The following PSMD14 variants were observed in gnomAD, a reference collection of about 807,000 sequenced individuals.
PSMD14 encodes ubiquitin C-terminal hydrolase PSMD14.
In PSMD14, 7 loss-of-function variants were observed where a neutral mutation model predicts 41.2. The ratio of observed to expected loss-of-function variants is 0.17; its 90% CI spans 0.10 to 0.32. PSMD14 has a LOEUF of 0.32. PSMD14 is among the 10% of genes least tolerant of loss of function. The pLI is 1.00. For missense variants in PSMD14, 139 were observed against 375.6 expected (o/e 0.37, Z 5.21); for synonymous variants, 114 against 122.3 (o/e 0.93, Z 0.45).
At chr2:161,371,453 C>A in intron 7 of PSMD14, 131 bp downstream of exon 7, 16 of 854,680 alleles carry the variant, frequency 1.9e-5, no homozygotes, top group Admixed American at 9.3e-5. Flanking sequence ...ACTTAAAAAA[C>A]AAAAAAACTG....
chr2:161,362,626 A>G (rs1683305650), intron 3 of PSMD14, among the ~76,000 whole-genome samples: 1 of 152,206 alleles, frequency 6.6e-6, no homozygotes, highest in South Asian at 2.1e-4. Flanking sequence ...AATTGAGTAT[A>G]AAATTCTTTA....
At chr2:161,375,434 C>A (rs1405688700) in intron 7 of PSMD14, among the ~76,000 whole-genome samples, 1 of 151,894 alleles carries the variant, frequency 6.6e-6, no homozygotes, top group African/African-American at 2.4e-5. Flanking sequence ...GTATAACAAA[C>A]ACAGTAAATG....
chr2:161,369,217 TATAAA>T (rs1683399925), intron 5 of PSMD14, among the ~76,000 whole-genome samples: 1 of 152,046 alleles, frequency 6.6e-6, no homozygotes, highest in Non-Finnish European at 1.5e-5. Context: ...TGTTTGACAA[TATAAA>T]ATAAAAGATT....
At chr2:161,358,588 A>G (rs1401119092) in intron 3 of PSMD14, among the ~76,000 whole-genome samples, 1 of 151,842 alleles carries the variant, frequency 6.6e-6, no homozygotes, top group Non-Finnish European at 1.5e-5. Context: ...GACCACTCCT[A>G]CTCTACATTT....
intron 3 of PSMD14, among the ~76,000 whole-genome samples, chr2:161,347,368 C>T (rs923003530): frequency 6.6e-5 from 10 of 151,978 alleles, no homozygotes; most frequent in African/African-American, 1.5e-4. Context: ...AGGCTGGTCT[C>T]GAACTACTCA....
chr2:161,348,984 A>C (rs1210431172), intron 3 of PSMD14, among the ~76,000 whole-genome samples: 1 of 152,176 alleles, frequency 6.6e-6, no homozygotes, highest in East Asian at 1.9e-4. Context: ...TGCTGCTCAC[A>C]TACCTGGTTC....
chr2:161,353,636 A>T, intron 3 of PSMD14, among the ~76,000 whole-genome samples: 1 of 152,102 alleles, frequency 6.6e-6, no homozygotes, highest in East Asian at 1.9e-4. Flanking sequence ...TACCCAATAG[A>T]TTGCTGTCAC....
chr2:161,357,415 A>C (rs1184120303), intron 3 of PSMD14, among the ~76,000 whole-genome samples: 1 of 152,098 alleles, frequency 6.6e-6, no homozygotes, highest in East Asian at 1.9e-4. Context: ...TAGATCACTG[A>C]CTTATAATTT....
chr2:161,332,931 T>G (rs1682816349), intron 3 of PSMD14, among the ~76,000 whole-genome samples: 2 of 152,178 alleles, frequency 1.3e-5, no homozygotes, highest in Admixed American at 1.3e-4. Flanking sequence ...GCAAGTTTCT[T>G]TGCACTTTCC....
At chr2:161,319,993 T>G (rs1689185776) in intron 3 of PSMD14, among the ~76,000 whole-genome samples, 2 of 152,224 alleles carry the variant, frequency 1.3e-5, no homozygotes, top group African/African-American at 4.8e-5. Context: ...TTCATTTTTA[T>G]AACACCTGTA....
chr2:161,383,884 T>C (rs1400412995), intron 7 of PSMD14: 1 of 151,668 alleles, frequency 6.6e-6, no homozygotes, highest in Non-Finnish European at 1.5e-5. Context: ...GTGAGGAAAT[T>C]TTACTTCTAT....
intron 10 of PSMD14, among the ~76,000 whole-genome samples, chr2:161,402,068 C>T (rs1683886347): frequency 1.3e-5 from 2 of 152,198 alleles, no homozygotes; most frequent in African/African-American, 4.8e-5. Flanking sequence ...TGACTCCTCT[C>T]TCTTTCTCAC....
At chr2:161,313,136 G>A (rs1689108656) in intron 1 of PSMD14, among the ~76,000 whole-genome samples, 1 of 152,048 alleles carries the variant, frequency 6.6e-6, no homozygotes, top group Non-Finnish European at 1.5e-5. Context: ...CAAGGACAGG[G>A]AACTTGTAAG....
At chr2:161,369,229 G>T (rs937697575) in intron 5 of PSMD14, among the ~76,000 whole-genome samples, 1 of 151,866 alleles carries the variant, frequency 6.6e-6, no homozygotes, top group East Asian at 1.9e-4. Context: ...TAAAATAAAA[G>T]ATTTTGATCC....
intron 10 of PSMD14, among the ~76,000 whole-genome samples, chr2:161,398,190 G>T (rs1410975986): frequency 6.6e-6 from 1 of 152,078 alleles, no homozygotes; most frequent in East Asian, 1.9e-4. Context: ...CCAAATTTGG[G>T]AATGTAATTC....
At chr2:161,410,120 C>T (rs1268206307) in intron 11 of PSMD14, among the ~76,000 whole-genome samples, 1 of 152,062 alleles carries the variant, frequency 6.6e-6, no homozygotes, top group Non-Finnish European at 1.5e-5. Context: ...ATAGTTATTA[C>T]CTCACTGGTT....
chr2:161,349,252 G>T (rs560963344), intron 3 of PSMD14, among the ~76,000 whole-genome samples: 1 of 152,152 alleles, frequency 6.6e-6, no homozygotes, highest in Non-Finnish European at 1.5e-5. Context: ...CCTCTCATTT[G>T]TTATGCCTTT....
At chr2:161,335,889 A>T (rs541146100) in intron 3 of PSMD14, among the ~76,000 whole-genome samples, 1 of 152,372 alleles carries the variant, frequency 6.6e-6, no homozygotes, top group Non-Finnish European at 1.5e-5. Context: ...AAATAGGCAC[A>T]GTAGAATCCA....
chr2:161,364,573 C>T (rs890269743), intron 3 of PSMD14, among the ~76,000 whole-genome samples: 7 of 151,952 alleles, frequency 4.6e-5, no homozygotes, highest in East Asian at 3.9e-4. Context: ...AGCTCAGTTT[C>T]GAGTCTTTAA....
Sources: gnomAD v4.1 joint callset for allele counts (sites outside exome capture counted in the v4.1 genomes callset) on GRCh38, gnomAD v4.1.1 for gene constraint, MANE v1.5 for transcripts, NCBI Gene and HGNC (gene_info 2026-07-23, HGNC 2026-07-21) for gene names.